CCNC: variants seen among roughly 807,000 people sequenced by gnomAD.
The protein encoded by CCNC is cyclin-C.
A neutral mutation model predicts 50.0 loss-of-function variants in CCNC; 19 were observed. That is an observed-to-expected ratio of 0.38 (90% CI 0.27 to 0.56). The LOEUF (loss-of-function observed/expected upper bound fraction) is 0.56. Ranked by LOEUF, CCNC falls within the 20% of genes least tolerant of loss-of-function variation. The pLI is 0.72. For synonymous variants in CCNC, 93 were observed against 103.7 expected, an observed-to-expected ratio of 0.90 and a Z score of 0.63; for missense variants, 200 against 327.1, an observed-to-expected ratio of 0.61 and a Z score of 3.00.
chr6:99,547,129 A>G (rs2114254890), intron 9 of CCNC, among the ~76,000 whole-genome samples: 1 of 152,292 alleles, frequency 6.6e-6, no homozygotes, highest in African/African-American at 2.4e-5. Context: ...AACAATTTCT[A>G]CTGAGCAGCC....
chr6:99,567,759 A>T (rs1769202327), intron 1 of CCNC, among the ~76,000 whole-genome samples: 1 of 152,216 alleles, frequency 6.6e-6, no homozygotes, highest in African/African-American at 2.4e-5. Context: ...GCTTAAACAA[A>T]TGTATTTAGG....
At chr6:99,551,967 G>C in intron 5 of CCNC, 72 bp from the exon 6 acceptor site, 1 of 1,094,986 alleles carries the variant, frequency 9.1e-7, no homozygotes. Context: ...CTTTAACAGA[G>C]CAGAATATTA....
rs747836473 is a variant in CCNC at position 99,543,411 on chromosome 6, T to G, written c.*144A>C. ...TACTAGAATCATATTAAAGAAAAAC[T>G]TATTTTGCAAAAATAAAATCACTTT... is the stretch of plus-strand genomic sequence containing the variant. On this transcript the variant is annotated 3_prime_UTR_variant, in exon 12 of 12. Coordinates refer to ENST00000520429, the MANE Select transcript of CCNC (RefSeq NM_005190.4). The G allele has an allele frequency of 9.9e-5, 80 of 810,338 alleles. No homozygotes were observed. Among genetic ancestry groups the G allele is most frequent in the Non-Finnish European group, 1.4e-4 (73 of 517,590 alleles). 50.2% of individuals were successfully genotyped at this position (810,338 alleles called of 1,614,324 possible). A position where few individuals can be genotyped will look rare whatever the true frequency, so the allele number is the denominator to read the frequency against.
intron 4 of CCNC, among the ~76,000 whole-genome samples, chr6:99,559,218 G>GT (rs1274782386): frequency 6.7e-6 from 1 of 149,528 alleles, no homozygotes; most frequent in Non-Finnish European, 1.5e-5. Context: ...CATATAAATA[G>GT]TTACTATCCT....
At chr6:99,560,842 C>T (rs974313961) in intron 4 of CCNC, among the ~76,000 whole-genome samples, 5 of 152,180 alleles carry the variant, frequency 3.3e-5, no homozygotes, top group African/African-American at 1.2e-4. Flanking sequence ...GCTTGGTAGG[C>T]AGCCAATCAT....
At chr6:99,555,522 T>C (rs1297549009) in intron 5 of CCNC, among the ~76,000 whole-genome samples, 1 of 150,870 alleles carries the variant, frequency 6.6e-6, no homozygotes, top group South Asian at 2.1e-4. Flanking sequence ...ACTGCAGCCT[T>C]GAACTCCTGG....
intron 11 of CCNC, among the ~76,000 whole-genome samples, chr6:99,544,615 T>C (rs766368959): frequency 6.6e-6 from 1 of 152,062 alleles, no homozygotes; most frequent in Non-Finnish European, 1.5e-5. Flanking sequence ...AGCAAAAATA[T>C]ATTCTTATGT....
intron 2 of CCNC, 82 bp from the exon 3 acceptor site, chr6:99,561,763 T>C (rs1802790970): frequency 1.2e-6 from 1 of 846,990 alleles, no homozygotes; most frequent in African/African-American, 1.7e-5. Flanking sequence ...TCCATGTGGT[T>C]AAATCATAAT....
chr6:99,544,103 T>C (rs1010689455), intron 11 of CCNC: 17 of 1,410,752 alleles, frequency 1.2e-5, no homozygotes, highest in Admixed American at 5.4e-5. Flanking sequence ...GCAAGAAATA[T>C]GGTAATTTCC....
In CCNC at chr6:99,546,377, A is replaced by G; in HGVS notation, c.678+18T>C. 1.3e-6 allele frequency: 2 copies of G among 1,552,930 alleles called. No homozygotes were observed. The highest frequency in any genetic ancestry group is 1.7e-4 in the Middle Eastern group (1 of 5,932). On this transcript the variant is annotated intron_variant, in intron 10 of 11. Transcript: ENST00000520429. ...TTAATTTTTAAACATCCAAGTTTACATACAACTAAGGGAATACCTTTTCCA... is the reference window on the plus strand; with the variant it reads ...TTAATTTTTAAACATCCAAGTTTACGTACAACTAAGGGAATACCTTTTCCA...
At chr6:99,549,479 A>C (rs770024398) in intron 9 of CCNC, 29 bp downstream of exon 9, 1 of 1,475,550 alleles carries the variant, frequency 6.8e-7, no homozygotes. Context: ...TAACAATTTA[A>C]CTCATAAAGG....
At chr6:99,549,631 A>G (rs1802212162) in intron 8 of CCNC, 56 bp from the exon 9 acceptor site, 4 of 1,140,300 alleles carry the variant, frequency 3.5e-6, no homozygotes, top group East Asian at 2.4e-5. Context: ...ATCTGATTGT[A>G]TATTTCCTCC....
At chr6:99,545,070 T>C in intron 11 of CCNC, 42 bp downstream of exon 11, 1 of 925,278 alleles carries the variant, frequency 1.1e-6, no homozygotes, top group Non-Finnish European at 1.8e-6. Flanking sequence ...GTAAGTATGA[T>C]ATATGATTAA....
intron 7 of CCNC, chr6:99,550,776 C>T: frequency 3.7e-6 from 1 of 272,964 alleles, no homozygotes; most frequent in Non-Finnish European, 7.0e-6. Context: ...TACTATAGAA[C>T]AGAAAAATTT....
chr6:99,555,044 A>G (rs1243633340), intron 5 of CCNC, among the ~76,000 whole-genome samples: 1 of 152,242 alleles, frequency 6.6e-6, no homozygotes, highest in African/African-American at 2.4e-5. Flanking sequence ...CCCGGCTCTC[A>G]AACATTTGCT....
At chr6:99,549,341 G>T in intron 9 of CCNC, 167 bp downstream of exon 9, 1 of 664,372 alleles carries the variant, frequency 1.5e-6, no homozygotes, top group East Asian at 2.8e-5. Context: ...TAATAATCCT[G>T]ATTTATGACA....
At chr6:99,551,999 T>C in intron 5 of CCNC, 104 bp from the exon 6 acceptor site, 1 of 699,058 alleles carries the variant, frequency 1.4e-6, no homozygotes. Context: ...AAAATTATTT[T>C]CAGTAGGAAT....
In CCNC at chr6:99,553,738, A is replaced by G. The variant is rs1046549383; in HGVS notation, c.347-1843T>C. ...CTGAGATCATGCACAGTTCTCTTAT[A>G]CCCACCGTTATTGACTTCCCAGCCT... On this transcript the variant is annotated intron_variant, in intron 5 of 11. Transcript: ENST00000520429. Among the ~76,000 whole-genome samples, 11 of 152,196 alleles carry G rather than the reference A, an allele frequency of 7.2e-5. No homozygotes were observed. In the East Asian group the frequency reaches 2.1e-3, roughly 29 times the overall value.
chr6:99,568,703 C>G (rs763434500), upstream of CCNC: 1 of 1,458,584 alleles, frequency 6.9e-7, no homozygotes, highest in Non-Finnish European at 9.0e-7. Flanking sequence ...TTCACGCCGG[C>G]CGACAACACT....
Sources: gnomAD v4.1 joint callset for allele counts (sites outside exome capture counted in the v4.1 genomes callset) on GRCh38, gnomAD v4.1.1 for gene constraint, MANE v1.5 for transcripts, NCBI Gene and HGNC (gene_info 2026-07-23, HGNC 2026-07-21) for gene names.